Variants in ANOS1 observed in about 807,000 individuals in gnomAD.
The protein encoded by ANOS1 is anosmin-1.
Under a neutral mutation model 59.0 loss-of-function variants are expected in ANOS1, and 6 were observed. The observed-to-expected ratio is 0.10, with a 90% confidence interval of 0.06 to 0.20. ANOS1 has a LOEUF of 0.20. ANOS1 is among the 10% of genes least tolerant of loss of function. ANOS1 has a pLI of 1.00. For synonymous variants in ANOS1, 217 were observed against 223.4 expected, an observed-to-expected ratio of 0.97 and a Z score of 0.25; for missense variants, 433 against 542.3, an observed-to-expected ratio of 0.80 and a Z score of 2.00.
chrX:8,704,058 C>T (rs1479443160), intron 1 of ANOS1, among the ~76,000 whole-genome samples: 2 of 110,440 alleles, frequency 1.8e-5, no homozygotes, highest in Non-Finnish European at 3.8e-5. Context: ...TAGTAAGTCT[C>T]ACAAGATCTG....
chrX:8,574,303 CAA>C (rs377507452), intron 6 of ANOS1, among the ~76,000 whole-genome samples: 1,169 of 79,996 alleles, frequency 0.015, 27 homozygotes, highest in African/African-American at 0.048. Context: ...CTCCATTTAC[CAA>C]AAAAAAAAAA....
chrX:8,548,310 C>T (rs940717430), intron 9 of ANOS1, among the ~76,000 whole-genome samples: 3 of 112,034 alleles, frequency 2.7e-5, no homozygotes, highest in African/African-American at 9.7e-5. Context: ...AAGGGCTTAG[C>T]GTACTCAGTA....
At chrX:8,731,018 C>T (rs951349534) in intron 1 of ANOS1, among the ~76,000 whole-genome samples, 1 of 111,843 alleles carries the variant, frequency 8.9e-6, no homozygotes, top group Non-Finnish European at 1.9e-5. Flanking sequence ...CCCACACAAG[C>T]GCGCGCGCAC....
chrX:8,729,855 T>G (rs960447139), intron 1 of ANOS1, among the ~76,000 whole-genome samples: 4 of 110,749 alleles, frequency 3.6e-5, no homozygotes, highest in African/African-American at 9.9e-5. Context: ...CAGATAGGCA[T>G]TACCAGGTTA....
At chrX:8,692,292 C>T (rs1932619825) in intron 2 of ANOS1, among the ~76,000 whole-genome samples, 1 of 111,922 alleles carries the variant, frequency 8.9e-6, no homozygotes, top group Non-Finnish European at 1.9e-5. Flanking sequence ...GTATTTTCTA[C>T]TATTGCTTTT....
intron 2 of ANOS1, among the ~76,000 whole-genome samples, chrX:8,671,258 C>A (rs1427168905): frequency 9.0e-6 from 1 of 111,562 alleles, no homozygotes; most frequent in African/African-American, 3.3e-5. Flanking sequence ...AATAATTTTC[C>A]ACCTCAGTGC....
At chrX:8,637,774 AGCT>A in intron 2 of ANOS1, among the ~76,000 whole-genome samples, 1 of 112,721 alleles carries the variant, frequency 8.9e-6, no homozygotes, top group Non-Finnish European at 1.9e-5. Context: ...AGGAAGTAGA[AGCT>A]GCATTTCCCA....
chrX:8,545,752 C>T (rs1929763354), intron 9 of ANOS1, among the ~76,000 whole-genome samples: 1 of 111,779 alleles, frequency 8.9e-6, no homozygotes, highest in Non-Finnish European at 1.9e-5. Flanking sequence ...GCTTTTAGGT[C>T]CCTAACTCCA....
intron 3 of ANOS1, among the ~76,000 whole-genome samples, chrX:8,604,558 A>T: frequency 8.9e-6 from 1 of 112,220 alleles, no homozygotes; most frequent in Non-Finnish European, 1.9e-5. Context: ...ACAAATTTTT[A>T]ATCTTAATTC....
At chrX:8,668,430 T>TATACACAC (rs1394731479) in intron 2 of ANOS1, among the ~76,000 whole-genome samples, 37 of 80,242 alleles carry the variant, frequency 4.6e-4, no homozygotes, top group Non-Finnish European at 3.9e-4. Context: ...TATATATATA[T>TATACACAC]ACACACACAT....
chrX:8,559,130 T>A (rs1479647963), intron 8 of ANOS1, among the ~76,000 whole-genome samples: 2 of 111,752 alleles, frequency 1.8e-5, no homozygotes, highest in Non-Finnish European at 3.8e-5. Flanking sequence ...GGCAGTGAGC[T>A]TGACCAAAGG....
intron 3 of ANOS1, among the ~76,000 whole-genome samples, chrX:8,619,091 AAAAAAAAAAAG>A (rs1299350252): frequency 3.1e-5 from 3 of 96,879 alleles, no homozygotes; most frequent in African/African-American, 8.6e-5. Flanking sequence ...AAAAAAAAAA[AAAAAAAAAAAG>A]AAAGAAAAGA....
chrX:8,603,564 A>G (rs1226483173), intron 3 of ANOS1, among the ~76,000 whole-genome samples: 2 of 112,546 alleles, frequency 1.8e-5, no homozygotes, highest in Admixed American at 9.4e-5. Flanking sequence ...GAGAGACAGT[A>G]CTATCTTTGT....
chrX:8,553,491 C>G (rs1257074394), intron 9 of ANOS1, among the ~76,000 whole-genome samples: 1 of 111,440 alleles, frequency 9.0e-6, no homozygotes, highest in Admixed American at 9.6e-5. Flanking sequence ...CTCACACACA[C>G]ACACCCTAAC....
In ANOS1 at chrX:8,597,276, T is replaced by TA. The variant is rs1930757447; in HGVS notation, c.319-21dup. The TA allele has an allele frequency of 8.7e-7, 1 of 1,155,183 alleles. No homozygotes were observed. Among genetic ancestry groups the TA allele is most frequent in the East Asian group, 3.0e-5 (1 of 33,346 alleles). The stretch of plus-strand genomic sequence containing the variant: ...GAGAGGCTAAGTCAAAGAAGAATTT[T>TA]AAAAAATATTCCATTAAAGACACAT... On this transcript the variant is annotated intron_variant, in intron 3 of 13. Coordinates refer to ENST00000262648, the MANE Select transcript of ANOS1 (RefSeq NM_000216.4).
At chrX:8,576,008 C>T (rs1012956050) in intron 6 of ANOS1, among the ~76,000 whole-genome samples, 1 of 111,541 alleles carries the variant, frequency 9.0e-6, no homozygotes. Context: ...ACTCAGGAGG[C>T]TGAGGCAGGA....
intron 6 of ANOS1, among the ~76,000 whole-genome samples, chrX:8,584,948 C>T: frequency 9.0e-6 from 1 of 111,438 alleles, no homozygotes; most frequent in African/African-American, 3.3e-5. Flanking sequence ...CTTTGAAAAT[C>T]AATTGAATGG....
At chrX:8,664,485 C>G (rs181304092) in intron 2 of ANOS1, among the ~76,000 whole-genome samples, 42 of 110,355 alleles carry the variant, frequency 3.8e-4, no homozygotes, top group Non-Finnish European at 6.6e-4. Context: ...GAGCCACCGC[C>G]CCCGGCCAGG....
At chrX:8,610,305 G>A (rs1055118253) in intron 3 of ANOS1, among the ~76,000 whole-genome samples, 3 of 111,645 alleles carry the variant, frequency 2.7e-5, no homozygotes, top group Non-Finnish European at 3.8e-5. Context: ...TTGGACAATA[G>A]GTAGCACAAG....
Sources: gnomAD v4.1 joint callset for allele counts (sites outside exome capture counted in the v4.1 genomes callset) on GRCh38, gnomAD v4.1.1 for gene constraint, MANE v1.5 for transcripts, NCBI Gene and HGNC (gene_info 2026-07-23, HGNC 2026-07-21) for gene names.